DNAAF9: variants seen among roughly 807,000 people sequenced by gnomAD.
The protein encoded by DNAAF9 is shulin.
A neutral mutation model predicts 167.0 loss-of-function variants in DNAAF9; 90 were observed. The ratio of observed to expected loss-of-function variants is 0.54; its 90% CI spans 0.45 to 0.64. DNAAF9 has a LOEUF of 0.64. Among genes scored for constraint, DNAAF9 ranks in the 30% least tolerant of loss-of-function variants. The probability of loss-of-function intolerance (pLI) is 0.00; values close to 1 mark genes in which losing one functional copy is unlikely to be tolerated. For synonymous variants in DNAAF9, 491 were observed against 508.8 expected, an observed-to-expected ratio of 0.96 and a Z score of 0.47; for missense variants, 1,315 against 1,442.2, an observed-to-expected ratio of 0.91 and a Z score of 1.43.
chr20:3,318,237 A>T, intron 17 of DNAAF9, 52 bp downstream of exon 17: 1 of 138,780 alleles, frequency 7.2e-6, no homozygotes, highest in Non-Finnish European at 1.2e-5. Context: ...ATTTTGCCAA[A>T]AAAAAAAAAA....
chr20:3,405,498 C>A (rs2084043256), intron 1 of DNAAF9, among the ~76,000 whole-genome samples: 1 of 152,140 alleles, frequency 6.6e-6, no homozygotes. Flanking sequence ...GGAGGGAAGC[C>A]TTCAGCAAAT....
Position 3,296,951 on chromosome 20 carries a change from TA to T in DNAAF9, c.1930-3del. 6.3e-7 allele frequency: 1 copy of T among 1,577,392 alleles called. No individual in the cohort carries two copies. The highest frequency in any genetic ancestry group is 8.7e-7 in the Non-Finnish European group (1 of 1,147,498). ...CTGCTGTTTCCAGAGGGAGAAGACC[TA>T]AACAAAACAGAATTTGAGCAAAGAA... On this transcript the variant is annotated splice_region_variant and splice_polypyrimidine_tract_variant and intron_variant, in intron 22 of 36. Coordinates refer to ENST00000252032, the MANE Select transcript of DNAAF9 (RefSeq NM_001009984.3).
chr20:3,372,599 T>C (rs1278485915), intron 6 of DNAAF9, among the ~76,000 whole-genome samples: 1 of 152,164 alleles, frequency 6.6e-6, no homozygotes, highest in African/African-American at 2.4e-5. Context: ...ACCTCTCTCA[T>C]TTGGGTTATG....
At chr20:3,261,600 T>A (rs1261672661) in intron 31 of DNAAF9, among the ~76,000 whole-genome samples, 1 of 151,720 alleles carries the variant, frequency 6.6e-6, no homozygotes, top group Non-Finnish European at 1.5e-5. Flanking sequence ...ACTCCTGACC[T>A]CGTGATCCAC....
chr20:3,274,108 G>T (rs1420125304), intron 29 of DNAAF9, among the ~76,000 whole-genome samples: 2 of 151,946 alleles, frequency 1.3e-5, no homozygotes, highest in African/African-American at 2.4e-5. Flanking sequence ...AATAACACAG[G>T]TGGCACTTAA....
chr20:3,306,838 A>G (rs1034974617), intron 20 of DNAAF9: 17 of 921,958 alleles, frequency 1.8e-5, no homozygotes, highest in Non-Finnish European at 2.2e-5. Context: ...ACACTCTCCT[A>G]AAACCACAAC....
chr20:3,316,212 G>A, intron 18 of DNAAF9: 2 of 204,984 alleles, frequency 9.8e-6, no homozygotes, highest in Non-Finnish European at 2.0e-5. Flanking sequence ...CTCTCAAGAA[G>A]GGACTCAGCC....
chr20:3,254,552 C>G (rs1315405299), intron 35 of DNAAF9, among the ~76,000 whole-genome samples: 1 of 152,112 alleles, frequency 6.6e-6, no homozygotes, highest in Non-Finnish European at 1.5e-5. Flanking sequence ...ATGTTGTCCT[C>G]CCCAGGAGCA....
rs1440460342 is a variant in DNAAF9, at chr20:3,294,237, T to A, written c.2140A>T (p.Ile714Phe). 1 of 1,611,558 alleles carries A rather than the reference T, an allele frequency of 6.2e-7. No individual in the cohort carries two copies. Among genetic ancestry groups the A allele is most frequent in the South Asian group, 1.1e-5 (1 of 91,028 alleles). Reference protein sequence around the residue: ...ELDWFLQHFAISSISQEPVMR... With the variant: ...ELDWFLQHFAFSSISQEPVMR... The stretch of plus-strand genomic sequence containing the variant: ...ACAGGCTCCTGGCTAATGCTGCTGA[T>A]GGCGAAATGCTGGAGAAACCTAAAA... Residue 714 changes from isoleucine to phenylalanine, a missense_variant, in exon 25 of 37, where the codon ATC becomes TTC. Coordinates refer to ENST00000252032, the MANE Select transcript of DNAAF9 (RefSeq NM_001009984.3).
chr20:3,317,682 C>T (rs1204091116), intron 17 of DNAAF9, among the ~76,000 whole-genome samples: 16 of 151,720 alleles, frequency 1.1e-4, no homozygotes, highest in African/African-American at 2.4e-4. Flanking sequence ...ATGCAACCTC[C>T]GCCTCCTAGG....
chr20:3,325,257 T>C (rs1417424557), intron 13 of DNAAF9, among the ~76,000 whole-genome samples: 1 of 152,214 alleles, frequency 6.6e-6, no homozygotes, highest in Admixed American at 6.5e-5. Flanking sequence ...CCAGCTGTGA[T>C]GACAGCAGTG....
rs1199660321 is a variant in DNAAF9 at position 3,294,271 on chromosome 20, A to G, written c.2121-15T>C. The G allele has an allele frequency of 1.9e-6, 3 of 1,539,504 alleles. No individual in the cohort carries two copies. The highest frequency in any genetic ancestry group is 4.5e-5 in the East Asian group (2 of 44,526). ...GCTGGAGAAACCTAAAAACACAAAG[A>G]CAATGCTATTATGTTACCATCCTAG... is the stretch of plus-strand genomic sequence containing the variant. On this transcript the variant is annotated splice_polypyrimidine_tract_variant and intron_variant, in intron 24 of 36. Coordinates refer to ENST00000252032, the MANE Select transcript of DNAAF9 (RefSeq NM_001009984.3).
At chr20:3,310,341 GA>G (rs767209371) in intron 20 of DNAAF9, among the ~76,000 whole-genome samples, 2 of 138,134 alleles carry the variant, frequency 1.4e-5, no homozygotes, top group Non-Finnish European at 3.2e-5. Context: ...GAAAAAGAAA[GA>G]AAGAAAGAAA....
chr20:3,337,236 T>C (rs1366665110), intron 10 of DNAAF9, among the ~76,000 whole-genome samples: 1 of 151,238 alleles, frequency 6.6e-6, no homozygotes, highest in Non-Finnish European at 1.5e-5. Context: ...TATCATTTAC[T>C]CCAAGGGTAT....
chr20:3,260,931 C>A (rs762158081), intron 31 of DNAAF9, among the ~76,000 whole-genome samples: 12 of 152,144 alleles, frequency 7.9e-5, no homozygotes, highest in Non-Finnish European at 1.2e-4. Context: ...CATAGCCGGT[C>A]TTGCTCCCAT....
rs770861570 is a variant in DNAAF9, at chr20:3,315,127, AAAC to A, written c.1591-10_1591-8del. 1.3e-6 allele frequency: 2 copies of A among 1,556,158 alleles called. No homozygotes were observed. The highest frequency in any genetic ancestry group is 1.7e-5 in the Admixed American group (1 of 59,384). On this transcript the variant is annotated splice_polypyrimidine_tract_variant and splice_region_variant and intron_variant, in intron 19 of 36. Transcript: ENST00000252032. The surrounding 1 kb of genome is among the most constrained non-coding windows in gnomAD (Gnocchi z 4.1). ...CCAGGAAAGACTCATCCCCCTTTAA[AAAC>A]AACAACAAAAACAAAAATCCAAAAA...
chr20:3,291,992 C>G (rs2068963962), intron 25 of DNAAF9, among the ~76,000 whole-genome samples: 1 of 151,968 alleles, frequency 6.6e-6, no homozygotes, highest in Admixed American at 6.6e-5. Context: ...TAAGGCCAAT[C>G]CAAGAGCACC....
chr20:3,374,845 A>C (rs547338582), intron 5 of DNAAF9, among the ~76,000 whole-genome samples, 185 bp downstream of exon 5: 513 of 152,266 alleles, frequency 3.4e-3, no homozygotes, highest in Non-Finnish European at 4.8e-3. Context: ...TTGCTGCAGA[A>C]ACTTCACAGT....
chr20:3,387,194 G>A (rs1451985328), intron 1 of DNAAF9, among the ~76,000 whole-genome samples: 2 of 152,136 alleles, frequency 1.3e-5, no homozygotes, highest in African/African-American at 4.8e-5. Flanking sequence ...AAGAGACTCT[G>A]AATATCCAAA....
Sources: allele counts gnomAD v4.1 joint callset (sites outside exome capture counted in the v4.1 genomes callset), GRCh38; gene constraint gnomAD v4.1.1; non-coding constraint Gnocchi (gnomAD v3.1); transcripts MANE v1.5; gene names NCBI Gene and HGNC (gene_info 2026-07-23, HGNC 2026-07-21).